Variants in NICN1 observed in about 807,000 individuals in gnomAD.
NICN1 encodes nicolin-1.
A neutral mutation model predicts 26.3 loss-of-function variants in NICN1; 18 were observed. The ratio of observed to expected loss-of-function variants is 0.68; its 90% CI spans 0.47 to 1.01. The LOEUF (loss-of-function observed/expected upper bound fraction) is 1.01. Among genes scored for constraint, NICN1 ranks in the 50% least tolerant of loss-of-function variants. The probability of loss-of-function intolerance (pLI) is 0.00; values close to 1 mark genes in which losing one functional copy is unlikely to be tolerated. For missense variants in NICN1, 239 were observed against 278.3 expected, an observed-to-expected ratio of 0.86 and a Z score of 1.00; for synonymous variants, 109 against 111.0, an observed-to-expected ratio of 0.98 and a Z score of 0.11.
At position 49,425,047 on chromosome 3, in the gene NICN1, G is replaced by A; in HGVS notation, c.502C>T (p.Pro168Ser). 6.2e-7 allele frequency: 1 copy of A among 1,613,402 alleles called. No individual in the cohort carries two copies. Among genetic ancestry groups the A allele is most frequent in the Non-Finnish European group, 8.5e-7 (1 of 1,179,476 alleles). ...TCGGAGGATACCCTGCTGGGGTCTG[G>A]GAGACCCTGCTCCAGAAGGAGGGGT... ...EQPALLREGL[P>S]DPSRVSSEVQ... is the part of the protein sequence containing the mutation. Residue 168 changes from proline (P) to serine (S), a missense_variant, in exon 5 of 6, where the codon CCA (proline) becomes TCA (serine). Physicochemically the swap from Pro to Ser is moderately conservative, Grantham distance 74 (BLOSUM62 -1). Transcript: ENST00000273598.
rs2049156134 is a variant in NICN1 at position 49,424,672 on chromosome 3, A to G, written c.*161T>C. On this transcript the variant is annotated 3_prime_UTR_variant, in exon 6 of 6. Coordinates refer to ENST00000273598, the MANE Select transcript of NICN1 (RefSeq NM_032316.3). ...TGCCAGGAGCTCATGCTGAAGTAAC[A>G]CGGTAAGCCCCTGAGAATCCTGAAT... The G allele has an allele frequency of 1.5e-6, 1 of 667,530 alleles. No homozygotes were observed. The highest frequency in any genetic ancestry group is 1.8e-5 in the African/African-American group (1 of 55,770). 41.4% of individuals were successfully genotyped at this position (667,530 alleles called of 1,614,324 possible).
rs2049158897 is a variant in NICN1 at position 49,424,952 on chromosome 3, A to C, written c.597T>G (p.Phe199Leu). Residue 199 changes from phenylalanine to leucine, a missense_variant, in exon 5 of 6, where the codon TTT becomes TTG. Phe to Leu is a conservative substitution (Grantham distance 22). Coordinates refer to ENST00000273598, the MANE Select transcript of NICN1 (RefSeq NM_032316.3). Reference sequence around the variant, plus strand: ...GCAGAAGGAAGCGATTACTTACATCAAAGCGGCCGATCCTTGCGGAGGTGT... The same window carrying C: ...GCAGAAGGAAGCGATTACTTACATCCAAGCGGCCGATCCTTGCGGAGGTGT... ...ASHTSARIGR[F>L]DVDGCYDLNL... The C allele has an allele frequency of 3.7e-6, 6 of 1,613,956 alleles. No homozygotes were observed. Among genetic ancestry groups the C allele is most frequent in the African/African-American group, 1.3e-5 (1 of 74,918 alleles).
Position 49,426,391 on chromosome 3 carries a change from A to G in NICN1, c.170T>C (p.Phe57Ser), listed in dbSNP as rs951155624. The G allele has an allele frequency of 6.2e-7, 1 of 1,614,184 alleles. No homozygotes were observed. Among genetic ancestry groups the G allele is most frequent in the African/African-American group, 1.3e-5 (1 of 75,038 alleles). ...GTACTGACGGACACGGATGCTCAAA[A>G]AAGCTGTGTAGTAATTCTTAAACGT... ...EITFKNYYTA[F>S]LSIRVRQYTS... Residue 57 changes from phenylalanine to serine, a missense_variant, in exon 2 of 6, where the codon TTT (phenylalanine) becomes TCT (serine). Coordinates refer to ENST00000273598, the MANE Select transcript of NICN1 (RefSeq NM_032316.3).
At chr3:49,427,397 T>C (rs1160727617) in intron 1 of NICN1, among the ~76,000 whole-genome samples, 1 of 151,494 alleles carries the variant, frequency 6.6e-6, no homozygotes, top group East Asian at 1.9e-4. Flanking sequence ...TGCCAGCACT[T>C]TGGGAGGCTG....
In NICN1 at chr3:49,429,230, C is replaced by T; in HGVS notation, c.10G>A (p.Val4Ile). 6.2e-7 allele frequency: 1 copy of T among 1,605,406 alleles called. No homozygotes were observed. Among genetic ancestry groups the T allele is most frequent in the Non-Finnish European group, 8.5e-7 (1 of 1,175,896 alleles). ...CCTTTCACATGGCAAGGCACCAAAA[C>T]GCGGGACATGGTGACAGCAGCCGCA... MSR[V>I]LVPCHVKGSV... The change falls in exon 1 of 6, where the codon GTT becomes ATT. Residue 4 changes from valine (V) to isoleucine (I), a missense_variant. Physicochemically the swap from Val to Ile is conservative, Grantham distance 29. Transcript: ENST00000273598.
chr3:49,425,266 C>T, intron 4 of NICN1, 101 bp downstream of exon 4: 2 of 1,039,542 alleles, frequency 1.9e-6, no homozygotes, highest in Non-Finnish European at 2.9e-6. Context: ...CACCCAAGGG[C>T]CCTGGGCCCA....
chr3:49,424,278 A>G lies in NICN1; in HGVS notation c.*555T>C, dbSNP rs1053857868. 2 of 164,566 alleles carry G rather than the reference A, an allele frequency of 1.2e-5. No individual in the cohort carries two copies. The highest frequency in any genetic ancestry group is 2.6e-5 in the Non-Finnish European group (2 of 75,684). The allele number at this position is 164,566 out of a possible 1,614,324, so 10.2% of individuals were successfully genotyped here. A position where few individuals can be genotyped will look rare whatever the true frequency, so the allele number is the denominator to read the frequency against. ...AGAAACCAAGAGACTCAGGCTGCCC[A>G]AATCTTCAGGTTTCCTTCCTAGGCA... On this transcript the variant is annotated 3_prime_UTR_variant, in exon 6 of 6. Coordinates refer to ENST00000273598, the MANE Select transcript of NICN1 (RefSeq NM_032316.3).
chr3:49,422,963 T>G lies in NICN1; in HGVS notation c.*1870A>C, dbSNP rs892751663. The G allele has an allele frequency of 8.3e-5, 22 of 263,496 alleles. No homozygotes were observed. The highest frequency in any genetic ancestry group is 7.8e-4 in the Admixed American group (16 of 20,622). The allele number at this position is 263,496 out of a possible 1,614,324, so 16.3% of individuals were successfully genotyped here. A position where few individuals can be genotyped will look rare whatever the true frequency, so the allele number is the denominator to read the frequency against. On this transcript the variant is annotated 3_prime_UTR_variant, in exon 6 of 6. Transcript: ENST00000273598. ...AGCAGTCATGCATTCCACAAGTATT[T>G]ATTGATCTTACTGCATACCAGGCCC... is the stretch of plus-strand genomic sequence containing the variant.
At position 49,425,863 on chromosome 3, in the gene NICN1, C is replaced by A. The variant is rs761294018; in HGVS notation, c.423+20G>T. On this transcript the variant is annotated intron_variant, in intron 3 of 5. Coordinates refer to ENST00000273598, the MANE Select transcript of NICN1 (RefSeq NM_032316.3). ...GCTTTCTGGGGAAAGGGCCAGCCAG[C>A]AGCTGAGCTAGTCACTTACCTTTGG... is the stretch of plus-strand genomic sequence containing the variant. The A allele has an allele frequency of 2.0e-5, 27 of 1,360,154 alleles. No individual in the cohort carries two copies. The highest frequency in any genetic ancestry group is 2.8e-5 in the Non-Finnish European group (27 of 958,678). The allele number at this position is 1,360,154 out of a possible 1,614,324, so 84.3% of individuals were successfully genotyped here. A position where few individuals can be genotyped will look rare whatever the true frequency, so the allele number is the denominator to read the frequency against.
At chr3:49,426,150 G>C in intron 2 of NICN1, 102 bp downstream of exon 2, 1 of 1,302,032 alleles carries the variant, frequency 7.7e-7, no homozygotes, top group South Asian at 1.4e-5. Flanking sequence ...CACAGTTCAG[G>C]CCAGACTGGC....
rs538598133 is a variant in NICN1, at chr3:49,424,812, A to C, written c.*21T>G. On this transcript the variant is annotated 3_prime_UTR_variant, in exon 6 of 6. Transcript: ENST00000273598. The stretch of plus-strand genomic sequence containing the variant: ...TCTGGGTGGGCACAGAAAGGCCAAC[A>C]TCTTGGCTAGGAGCAACCATTCAAG... The C allele has an allele frequency of 6.2e-7, 1 of 1,612,132 alleles. No homozygotes were observed. The highest frequency in any genetic ancestry group is 1.3e-5 in the African/African-American group (1 of 74,856).
rs1265123042 is a variant in NICN1, at chr3:49,426,148, A to G, written c.309+104T>C. On this transcript the variant is annotated intron_variant, in intron 2 of 5. Coordinates refer to ENST00000273598, the MANE Select transcript of NICN1 (RefSeq NM_032316.3). ...GGCACTTCCCTGGAAGTCACAGTTC[A>G]GGCCAGACTGGCCCCCTCTTCCCTC... The G allele has an allele frequency of 2.3e-6, 3 of 1,284,504 alleles. No individual in the cohort carries two copies. In the African/African-American group the frequency reaches 4.4e-5, roughly 19 times the overall value. 79.6% of individuals were successfully genotyped at this position (1,284,504 alleles called of 1,614,324 possible). A position where few individuals can be genotyped will look rare whatever the true frequency, so the allele number is the denominator to read the frequency against.
At position 49,429,197 on chromosome 3, in the gene NICN1, C is replaced by T; in HGVS notation, c.43G>A (p.Ala15Thr). 6.2e-7 allele frequency: 1 copy of T among 1,610,780 alleles called. No individual in the cohort carries two copies. Among genetic ancestry groups the T allele is most frequent in the Non-Finnish European group, 8.5e-7 (1 of 1,178,642 alleles). The stretch of plus-strand genomic sequence containing the variant: ...GTCCGCACGTCGCCCACCTGGAGGG[C>T]TACGGAGCCTTTCACATGGCAAGGC... ...LVPCHVKGSVALQVGDVRTSQ... is the reference protein window; with the variant it reads ...LVPCHVKGSVTLQVGDVRTSQ... The change falls in exon 1 of 6, where the codon GCC becomes ACC. Residue 15 changes from alanine (A) to threonine (T), a missense_variant. By Grantham distance (58) the Ala-to-Thr change is moderately conservative. Transcript: ENST00000273598.
rs758818324 is a variant in NICN1 at position 49,429,185 on chromosome 3, C to A, written c.55G>T (p.Gly19Cys). The A allele has an allele frequency of 6.2e-7, 1 of 1,611,694 alleles. No individual in the cohort carries two copies. Among genetic ancestry groups the A allele is most frequent in the South Asian group, 1.1e-5 (1 of 90,916 alleles). The part of the protein sequence containing the change: ...HVKGSVALQV[G>C]DVRTSQGRPG... ...CGGCCTTGGGAGGTCCGCACGTCGCCCACCTGGAGGGCTACGGAGCCTTTC... is the reference window on the plus strand; with the variant it reads ...CGGCCTTGGGAGGTCCGCACGTCGCACACCTGGAGGGCTACGGAGCCTTTC... The change falls in exon 1 of 6, where the codon GGC (glycine) becomes TGC (cysteine). Residue 19 changes from glycine (G) to cysteine (C), a missense_variant. Gly to Cys is a radical substitution (Grantham distance 159). Transcript: ENST00000273598.
intron 2 of NICN1, 115 bp from the exon 3 acceptor site, chr3:49,426,111 T>A: frequency 9.1e-7 from 1 of 1,100,646 alleles, no homozygotes; most frequent in Non-Finnish European, 1.3e-6. Context: ...GAAGGAACAG[T>A]AGTCCCTCCA....
At chr3:49,427,541 G>A (rs1326961780) in intron 1 of NICN1, among the ~76,000 whole-genome samples, 1 of 151,492 alleles carries the variant, frequency 6.6e-6, no homozygotes, top group Non-Finnish European at 1.5e-5. Context: ...TACTCGGGAG[G>A]CTGAGGCAGG....
intron 1 of NICN1, among the ~76,000 whole-genome samples, chr3:49,428,805 A>T (rs2049195263): frequency 6.6e-6 from 1 of 151,360 alleles, no homozygotes; most frequent in African/African-American, 2.4e-5. Flanking sequence ...GGACAAAATG[A>T]CCCCTAACTT....
chr3:49,424,759 A>G lies in NICN1; in HGVS notation c.*74T>C, dbSNP rs2049156704. On this transcript the variant is annotated 3_prime_UTR_variant, in exon 6 of 6. Coordinates refer to ENST00000273598, the MANE Select transcript of NICN1 (RefSeq NM_032316.3). ...AACACTTGGAATGCACAGGAAATAC[A>G]CTTCAGCCTCTGGTGGCCCAAACCA... 1 of 1,191,310 alleles carries G rather than the reference A, an allele frequency of 8.4e-7. No individual in the cohort carries two copies. Among genetic ancestry groups the G allele is most frequent in the Admixed American group, 1.7e-5 (1 of 59,444 alleles). The allele number at this position is 1,191,310 out of a possible 1,614,324, so 73.8% of individuals were successfully genotyped here. A position where few individuals can be genotyped will look rare whatever the true frequency, so the allele number is the denominator to read the frequency against.
chr3:49,425,072 T>C lies in NICN1; in HGVS notation c.496-19A>G. 2.5e-6 allele frequency: 4 copies of C among 1,595,900 alleles called. No homozygotes were observed. The highest frequency in any genetic ancestry group is 3.4e-6 in the Non-Finnish European group (4 of 1,163,962). ...GGAGACCCTGCTCCAGAAGGAGGGGTCAGTGGCCATGGGTCTCTCCCCAGC... is the reference window on the plus strand; with the variant it reads ...GGAGACCCTGCTCCAGAAGGAGGGGCCAGTGGCCATGGGTCTCTCCCCAGC... On this transcript the variant is annotated intron_variant, in intron 4 of 5. Coordinates refer to ENST00000273598, the MANE Select transcript of NICN1 (RefSeq NM_032316.3).
Sources: allele counts gnomAD v4.1 joint callset (sites outside exome capture counted in the v4.1 genomes callset), GRCh38; gene constraint gnomAD v4.1.1; transcripts MANE v1.5; gene names NCBI Gene and HGNC (gene_info 2026-07-23, HGNC 2026-07-21).